The following DLGAP2 variants were observed in gnomAD, a reference collection of about 807,000 sequenced individuals.
The protein encoded by DLGAP2 is disks large-associated protein 2.
Under a neutral mutation model 100.3 loss-of-function variants are expected in DLGAP2, and 26 were observed. The observed-to-expected ratio is 0.26, with a 90% confidence interval of 0.19 to 0.36. The LOEUF is 0.36. DLGAP2 is among the 10% of genes least tolerant of loss of function. The probability of loss-of-function intolerance (pLI) is 1.00; values close to 1 mark genes in which losing one functional copy is unlikely to be tolerated. For missense variants in DLGAP2, 1,858 were observed against 1,453.2 expected (o/e 1.28, Z -4.53); for synonymous variants, 886 against 630.1 (o/e 1.41, Z -6.08).
intron 1 of DLGAP2, among the ~76,000 whole-genome samples, chr8:744,835 T>C (rs1182393699): frequency 6.6e-6 from 1 of 152,200 alleles, no homozygotes; most frequent in Non-Finnish European, 1.5e-5. Context: ...CAAACCTAGT[T>C]GGAATGCTGC....
chr8:1,249,544 C>G (rs1294629463), intron 2 of DLGAP2, among the ~76,000 whole-genome samples: 2 of 152,124 alleles, frequency 1.3e-5, no homozygotes, highest in South Asian at 2.1e-4. Context: ...TTGTTAAAAA[C>G]GAAACTAGAA....
intron 2 of DLGAP2, among the ~76,000 whole-genome samples, chr8:1,088,823 G>T (rs1295868889): frequency 1.8e-5 from 1 of 57,110 alleles, no homozygotes; most frequent in Admixed American, 2.3e-4. Context: ...CCCTCATCCA[G>T]CAGGCTATGC....
chr8:964,762 C>T (rs542410100), intron 2 of DLGAP2, among the ~76,000 whole-genome samples: 1 of 152,300 alleles, frequency 6.6e-6, no homozygotes, highest in South Asian at 2.1e-4. Context: ...ACCTACCCTC[C>T]CCCGAGGGCC....
intron 3 of DLGAP2, among the ~76,000 whole-genome samples, chr8:1,329,137 T>C (rs550893530): frequency 2.0e-5 from 3 of 152,218 alleles, no homozygotes; most frequent in Non-Finnish European, 4.4e-5. Context: ...GATTCAAATG[T>C]ATGCACCAAA....
At chr8:1,614,743 TAATG>T (rs569429483) in intron 6 of DLGAP2, among the ~76,000 whole-genome samples, 9 of 152,220 alleles carry the variant, frequency 5.9e-5, no homozygotes, top group Non-Finnish European at 1.3e-4. Context: ...TAAAATGTAA[TAATG>T]GGGAGTTCTG....
intron 2 of DLGAP2, among the ~76,000 whole-genome samples, chr8:1,143,867 A>G (rs183572283): frequency 2.6e-5 from 4 of 152,188 alleles, no homozygotes; most frequent in Non-Finnish European, 5.9e-5. Flanking sequence ...GTCTGTGCAG[A>G]TGCAGCTTTC....
chr8:1,124,827 C>G (rs886329908), intron 2 of DLGAP2, among the ~76,000 whole-genome samples: 1 of 152,174 alleles, frequency 6.6e-6, no homozygotes, highest in African/African-American at 2.4e-5. Flanking sequence ...AGAAGCCAGT[C>G]TGCAGGATGG....
At chr8:1,615,399 A>C (rs541022232) in intron 6 of DLGAP2, among the ~76,000 whole-genome samples, 2 of 152,216 alleles carry the variant, frequency 1.3e-5, no homozygotes, top group Non-Finnish European at 2.9e-5. Flanking sequence ...TGCCGAAAAG[A>C]GGCTGAAGTT....
chr8:1,388,145 G>T (rs1186224955), intron 3 of DLGAP2, among the ~76,000 whole-genome samples: 1 of 102,802 alleles, frequency 9.7e-6, no homozygotes, highest in Non-Finnish European at 2.4e-5. Flanking sequence ...GCTGTGAGAG[G>T]CAGAGGCAGT....
intron 2 of DLGAP2, among the ~76,000 whole-genome samples, chr8:1,039,391 C>T (rs940995949): frequency 5.4e-5 from 8 of 146,808 alleles, no homozygotes; most frequent in African/African-American, 1.8e-4. Context: ...GCTCGGTTTC[C>T]GTGCTAAGCT....
intron 3 of DLGAP2, among the ~76,000 whole-genome samples, chr8:1,483,781 G>A (rs983905685): frequency 1.1e-4 from 17 of 151,888 alleles, no homozygotes; most frequent in South Asian, 4.2e-4. Context: ...GGGGACCAGG[G>A]AGGCAGGCAG....
At chr8:741,739 C>T (rs936140001) in intron 1 of DLGAP2, among the ~76,000 whole-genome samples, 3 of 152,248 alleles carry the variant, frequency 2.0e-5, no homozygotes, top group African/African-American at 7.2e-5. Flanking sequence ...CCTGCCACCT[C>T]ATGGGGTTGG....
At chr8:1,099,443 G>T (rs988117632) in intron 2 of DLGAP2, among the ~76,000 whole-genome samples, 1 of 152,222 alleles carries the variant, frequency 6.6e-6, no homozygotes, top group Non-Finnish European at 1.5e-5. Flanking sequence ...CGCCAGGGCC[G>T]TACTGGGGCT....
intron 6 of DLGAP2, among the ~76,000 whole-genome samples, chr8:1,615,809 G>C (rs534705076): frequency 4.0e-5 from 6 of 151,468 alleles, no homozygotes; most frequent in Admixed American, 1.3e-4. Context: ...GAATTCACCA[G>C]AAAGATCTTT....
intron 4 of DLGAP2, among the ~76,000 whole-genome samples, chr8:1,506,644 C>T (rs977015223): frequency 6.6e-6 from 1 of 152,202 alleles, no homozygotes; most frequent in East Asian, 1.9e-4. Context: ...TGCTTTTATT[C>T]CCTTATCTGG....
intron 2 of DLGAP2, among the ~76,000 whole-genome samples, chr8:1,186,218 C>T (rs548422240): frequency 4.6e-5 from 7 of 152,252 alleles, no homozygotes; most frequent in Non-Finnish European, 8.8e-5. Flanking sequence ...GCGCTGCAGT[C>T]TGTGGTAGGT....
Position 1,704,744 on chromosome 8 carries a change from AT to A in DLGAP2, c.*3340del, listed in dbSNP as rs1012926348. On this transcript the variant is annotated 3_prime_UTR_variant, in exon 15 of 15. Transcript: ENST00000637795. ...AGGTAAATGGTCAGATAAAAATATA[AT>A]TACCTGTAAGGTTATCTGGTTTTAA... The A allele has an allele frequency of 5.9e-5, 9 of 152,098 alleles. No homozygotes were observed. Among genetic ancestry groups the A allele is most frequent in the African/African-American group, 2.2e-4 (9 of 41,382 alleles). The allele number at this position is 152,098 out of a possible 1,614,324, so 9.4% of individuals were successfully genotyped here. A position where few individuals can be genotyped will look rare whatever the true frequency, so the allele number is the denominator to read the frequency against.
At chr8:1,044,877 T>G (rs555040210) in intron 2 of DLGAP2, among the ~76,000 whole-genome samples, 1 of 152,276 alleles carries the variant, frequency 6.6e-6, no homozygotes, top group African/African-American at 2.4e-5. Context: ...AATTCTTCCC[T>G]CTTGTTCTGA....
chr8:804,719 C>T (rs1419916066), intron 1 of DLGAP2, among the ~76,000 whole-genome samples: 1 of 152,184 alleles, frequency 6.6e-6, no homozygotes, highest in Admixed American at 6.5e-5. Flanking sequence ...TTAAGTCTTC[C>T]AGCAAGGGCA....
Sources: gnomAD v4.1 joint callset for allele counts (sites outside exome capture counted in the v4.1 genomes callset) on GRCh38, gnomAD v4.1.1 for gene constraint, MANE v1.5 for transcripts, NCBI Gene and HGNC (gene_info 2026-07-23, HGNC 2026-07-21) for gene names.